The following EDEM3 variants were observed in gnomAD, a reference collection of about 807,000 sequenced individuals.
EDEM3 encodes the protein ER degradation enhancing alpha-mannosidase like protein 3.
A neutral mutation model predicts 110.2 loss-of-function variants in EDEM3; 60 were observed. The ratio of observed to expected loss-of-function variants is 0.54; its 90% CI spans 0.44 to 0.67. The LOEUF (loss-of-function observed/expected upper bound fraction) is 0.67. EDEM3 is among the 30% of genes least tolerant of loss of function. The probability of loss-of-function intolerance (pLI) is 0.00; values close to 1 mark genes in which losing one functional copy is unlikely to be tolerated. For missense variants in EDEM3, 996 were observed against 1,121.0 expected, an observed-to-expected ratio of 0.89 and a Z score of 1.59; for synonymous variants, 352 against 382.9, an observed-to-expected ratio of 0.92 and a Z score of 0.94.
Position 184,693,053 on chromosome 1 carries a change from T to C in EDEM3, c.*1010A>G, listed in dbSNP as rs919130635. The C allele has an allele frequency of 3.9e-5, 6 of 154,786 alleles. No homozygotes were observed. Among genetic ancestry groups the C allele is most frequent in the Admixed American group, 6.5e-5 (1 of 15,280 alleles). 9.6% of individuals were successfully genotyped at this position (154,786 alleles called of 1,614,324 possible). On this transcript the variant is annotated 3_prime_UTR_variant, in exon 20 of 20. Transcript: ENST00000318130. ...TAACTCACTAACCACAGTTCTATCA[T>C]GGCTCTGTAAGACAGAAAAATGGAA...
rs190304024 is a variant in EDEM3, at chr1:184,711,380, G to A, written c.1691+343C>T. Among the ~76,000 whole-genome samples the A allele has an allele frequency of 1.0e-3, 155 of 152,242 alleles. 1 individual carries two copies. The highest frequency in any genetic ancestry group is 3.0e-3 in the African/African-American group (124 of 41,532). ...CTCCCAGTGTCCTCAGATTACAGGC[G>A]TGAGCTATCATGCCTGGCCAGAAAA... is the stretch of plus-strand genomic sequence containing the variant. On this transcript the variant is annotated intron_variant, in intron 15 of 19. Coordinates refer to ENST00000318130, the MANE Select transcript of EDEM3 (RefSeq NM_025191.4).
chr1:184,698,937 A>T (rs961282628), intron 19 of EDEM3, among the ~76,000 whole-genome samples: 2 of 151,850 alleles, frequency 1.3e-5, no homozygotes, highest in Non-Finnish European at 2.9e-5. Flanking sequence ...CTACAAAAAG[A>T]TAGAAGAGTT....
At chr1:184,749,268 A>G (rs116784638) in intron 2 of EDEM3, among the ~76,000 whole-genome samples, 283 of 152,244 alleles carry the variant, frequency 1.9e-3, no homozygotes, top group Non-Finnish European at 3.4e-3. Context: ...ATATATCCAC[A>G]ATATCTAGCT....
intron 17 of EDEM3, 71 bp downstream of exon 17, chr1:184,708,082 G>A: frequency 1.5e-6 from 2 of 1,297,706 alleles, no homozygotes; most frequent in Non-Finnish European, 2.1e-6. Flanking sequence ...AATTAGAGAA[G>A]AGACTAAGAA....
intron 15 of EDEM3, among the ~76,000 whole-genome samples, chr1:184,711,098 AG>A (rs1650201935): frequency 6.6e-6 from 1 of 152,064 alleles, no homozygotes; most frequent in East Asian, 1.9e-4. Context: ...TATAGACAAA[AG>A]GAAATTTTTT....
intron 19 of EDEM3, among the ~76,000 whole-genome samples, chr1:184,701,958 T>C (rs529816162): frequency 8.2e-4 from 125 of 152,142 alleles, no homozygotes; most frequent in African/African-American, 2.7e-3. Flanking sequence ...TTCCTACATA[T>C]CTGTCAAACA....
chr1:184,733,573 T>C (rs1651650328), intron 5 of EDEM3, among the ~76,000 whole-genome samples: 1 of 152,234 alleles, frequency 6.6e-6, no homozygotes, highest in Non-Finnish European at 1.5e-5. Context: ...CTCACGCCTA[T>C]AATCCCAGCA....
chr1:184,708,901 G>T (rs1361117733), intron 16 of EDEM3, among the ~76,000 whole-genome samples: 1 of 152,182 alleles, frequency 6.6e-6, no homozygotes, highest in Non-Finnish European at 1.5e-5. Flanking sequence ...GGGAACAATT[G>T]ATTCTGCTTG....
Position 184,732,328 on chromosome 1 carries a change from G to C in EDEM3, c.612+509C>G, listed in dbSNP as rs190283944. Reference sequence around the variant, plus strand: ...GAGGCTGGGAAGGGTAGGTGGTGGGGATGGGGAATAGGGAGGGGATGGTTA... The same window carrying C: ...GAGGCTGGGAAGGGTAGGTGGTGGGCATGGGGAATAGGGAGGGGATGGTTA... On this transcript the variant is annotated intron_variant, in intron 6 of 19. Transcript: ENST00000318130. Among the ~76,000 whole-genome samples, 9 of 152,296 alleles carry C rather than the reference G, an allele frequency of 5.9e-5. No individual in the cohort carries two copies. In the East Asian group the frequency reaches 1.5e-3, roughly 26 times the overall value.
In EDEM3 at chr1:184,734,511, T is replaced by G; in HGVS notation, c.458+20A>C. The G allele has an allele frequency of 1.0e-6, 1 of 1,001,034 alleles. No individual in the cohort carries two copies. The highest frequency in any genetic ancestry group is 1.4e-6 in the Non-Finnish European group (1 of 716,322). The allele number at this position is 1,001,034 out of a possible 1,614,324, so 62.0% of individuals were successfully genotyped here. A position where few individuals can be genotyped will look rare whatever the true frequency, so the allele number is the denominator to read the frequency against. ...ATAAAAATAAAATAAAATTATAGCT[T>G]TAGTGTCTTTCATACTTACCCAAGA... On this transcript the variant is annotated intron_variant, in intron 5 of 19. Coordinates refer to ENST00000318130, the MANE Select transcript of EDEM3 (RefSeq NM_025191.4).
intron 18 of EDEM3, among the ~76,000 whole-genome samples, chr1:184,705,203 C>T (rs1271590029): frequency 6.6e-6 from 1 of 152,148 alleles, no homozygotes; most frequent in Non-Finnish European, 1.5e-5. Context: ...ATAAATTCTA[C>T]ACTTTATACT....
At chr1:184,701,502 T>C (rs764069087) in intron 19 of EDEM3, 4 of 1,282,596 alleles carry the variant, frequency 3.1e-6, no homozygotes, top group Non-Finnish European at 4.1e-6. Context: ...CTTACTACTA[T>C]TAATAATGTA....
At chr1:184,712,388 T>G in intron 14 of EDEM3, 45 bp downstream of exon 14, 1 of 1,514,514 alleles carries the variant, frequency 6.6e-7, no homozygotes, top group Non-Finnish European at 8.9e-7. Flanking sequence ...AAATAAAACA[T>G]GTAGAAATAA....
chr1:184,690,306 CTT>C lies in EDEM3; in HGVS notation c.*3755_*3756del, dbSNP rs1649007142. The stretch of plus-strand genomic sequence containing the variant: ...TGCATGCTACTGACTTGTTGAAAAA[CTT>C]TCAGTGATTTCTTAGAACAAAATCC... On this transcript the variant is annotated 3_prime_UTR_variant, in exon 20 of 20. Transcript: ENST00000318130. 6.6e-6 allele frequency: 1 copy of C among 152,166 alleles called. No homozygotes were observed. The highest frequency in any genetic ancestry group is 1.5e-5 in the Non-Finnish European group (1 of 67,982). 9.4% of individuals were successfully genotyped at this position (152,166 alleles called of 1,614,324 possible). A position where few individuals can be genotyped will look rare whatever the true frequency, so the allele number is the denominator to read the frequency against.
At chr1:184,719,964 G>C (rs374964240) in intron 9 of EDEM3, among the ~76,000 whole-genome samples, 1 of 152,150 alleles carries the variant, frequency 6.6e-6, no homozygotes, top group African/African-American at 2.4e-5. Context: ...TTGGAAGTTT[G>C]ATCCCTTCTC....
chr1:184,716,502 C>T (rs1387138027), intron 13 of EDEM3, among the ~76,000 whole-genome samples: 1 of 152,052 alleles, frequency 6.6e-6, no homozygotes, highest in Non-Finnish European at 1.5e-5. Flanking sequence ...GAATTCTTGG[C>T]CGAACACAAA....
At chr1:184,734,719 A>T (rs1217262161) in intron 4 of EDEM3, 76 bp from the exon 5 acceptor site, 1 of 448,484 alleles carries the variant, frequency 2.2e-6, no homozygotes, top group Non-Finnish European at 3.9e-6. Context: ...GAGCTATTAA[A>T]AGTCAGTCTA....
At chr1:184,743,797 A>G (rs1339526992) in intron 2 of EDEM3, among the ~76,000 whole-genome samples, 1 of 152,116 alleles carries the variant, frequency 6.6e-6, no homozygotes. Flanking sequence ...ATGATAAACC[A>G]ATTTTTTTAC....
intron 6 of EDEM3, among the ~76,000 whole-genome samples, chr1:184,732,176 C>T (rs1027548894): frequency 6.6e-6 from 1 of 151,650 alleles, no homozygotes; most frequent in East Asian, 2.0e-4. Flanking sequence ...ACTCCATTCC[C>T]CCCCACCAAA....
Sources: allele counts gnomAD v4.1 joint callset (sites outside exome capture counted in the v4.1 genomes callset), GRCh38; gene constraint gnomAD v4.1.1; transcripts MANE v1.5; gene names NCBI Gene and HGNC (gene_info 2026-07-23, HGNC 2026-07-21).